The following NSRP1 variants were observed in gnomAD, a reference collection of about 807,000 sequenced individuals.
The protein encoded by NSRP1 is coiled-coil domain containing 55.
NSRP1 carries 24 observed loss-of-function variants against 54.7 expected under a neutral mutation model. The observed-to-expected ratio is 0.44, with a 90% confidence interval of 0.32 to 0.62. The LOEUF is 0.62. NSRP1 is among the 20% of genes least tolerant of loss of function. The probability of loss-of-function intolerance (pLI) is 0.06; values close to 1 mark genes in which losing one functional copy is unlikely to be tolerated. For synonymous variants in NSRP1, 210 were observed against 213.8 expected, an observed-to-expected ratio of 0.98 and a Z score of 0.15; for missense variants, 596 against 651.2, an observed-to-expected ratio of 0.92 and a Z score of 0.92.
intron 2 of NSRP1, among the ~76,000 whole-genome samples, chr17:30,121,070 A>G (rs1190353834): frequency 6.6e-6 from 1 of 152,212 alleles, no homozygotes; most frequent in Non-Finnish European, 1.5e-5. Flanking sequence ...TTTTTGTGGA[A>G]TAATGTGGCT....
chr17:30,132,423 G>A (rs1247969786), intron 2 of NSRP1, among the ~76,000 whole-genome samples: 5 of 151,908 alleles, frequency 3.3e-5, no homozygotes, highest in African/African-American at 9.7e-5. Context: ...TTGTGGTGGC[G>A]TGCGCCTGTA....
In NSRP1 at chr17:30,144,817, A is replaced by G. The variant is rs557728255; in HGVS notation, c.114+26644A>G. 3 of 152,166 alleles carry G rather than the reference A, an allele frequency of 2.0e-5. No individual in the cohort carries two copies. In the South Asian group the frequency reaches 6.2e-4, roughly 32 times the overall value. 9.4% of individuals were successfully genotyped at this position (152,166 alleles called of 1,614,324 possible). On this transcript the variant is annotated intron_variant, in intron 2 of 6. Coordinates refer to ENST00000247026, the MANE Select transcript of NSRP1 (RefSeq NM_032141.4). ...AGGCGCACACTCCTATCATCAGCCT[A>G]GCCTGCACAAAGCTCTTTTCTTCTT...
chr17:30,182,325 G>A (rs770208520), intron 6 of NSRP1, among the ~76,000 whole-genome samples: 5 of 152,078 alleles, frequency 3.3e-5, no homozygotes, highest in Admixed American at 6.6e-5. Flanking sequence ...CACTAGTCAC[G>A]TGTAGCTACT....
chr17:30,153,303 GT>G (rs1006389178), intron 2 of NSRP1, among the ~76,000 whole-genome samples: 7 of 152,136 alleles, frequency 4.6e-5, no homozygotes, highest in Admixed American at 3.9e-4. Context: ...CAATCCCAGA[GT>G]TTGTTGTCTT....
At chr17:30,118,862 C>A (rs2071570581) in intron 2 of NSRP1, among the ~76,000 whole-genome samples, 1 of 151,624 alleles carries the variant, frequency 6.6e-6, no homozygotes. Context: ...GATTCTCTTG[C>A]CTAATCTTCC....
chr17:30,185,633 C>G lies in NSRP1; in HGVS notation c.1636C>G (p.Arg546Gly). 6.2e-7 allele frequency: 1 copy of G among 1,609,540 alleles called. No homozygotes were observed. Among genetic ancestry groups the G allele is most frequent in the Non-Finnish European group, 8.5e-7 (1 of 1,178,724 alleles). The change falls in exon 7 of 7, where the codon CGG becomes GGG. Residue 546 changes from arginine to glycine, a missense_variant. Physicochemically the swap from Arg to Gly is moderately radical, Grantham distance 125. Coordinates refer to ENST00000247026, the MANE Select transcript of NSRP1 (RefSeq NM_032141.4). ...CAGGTACTTGGCCAGGCAGATGGCG[C>G]GGGTTAATGCAAAGACCTATATTGA... Reference protein sequence around the residue: ...RDRYLARQMARVNAKTYIEKE... With the variant: ...RDRYLARQMAGVNAKTYIEKE...
intron 2 of NSRP1, among the ~76,000 whole-genome samples, chr17:30,161,172 A>G (rs1351734649): frequency 6.6e-6 from 1 of 152,210 alleles, no homozygotes; most frequent in Non-Finnish European, 1.5e-5. Flanking sequence ...GGCTATTACA[A>G]CTAAACTGGC....
intron 6 of NSRP1, among the ~76,000 whole-genome samples, chr17:30,184,092 C>T (rs1466620275): frequency 6.6e-6 from 1 of 152,092 alleles, no homozygotes; most frequent in Non-Finnish European, 1.5e-5. Flanking sequence ...ATCCCAACTA[C>T]TCGGGAAGCT....
At chr17:30,123,350 T>A (rs2071621312) in intron 2 of NSRP1, among the ~76,000 whole-genome samples, 1 of 151,996 alleles carries the variant, frequency 6.6e-6, no homozygotes, top group Non-Finnish European at 1.5e-5. Flanking sequence ...ACTCCTGACC[T>A]TGTGATCTGC....
Position 30,118,080 on chromosome 17 carries a change from GTATGGGCT to G in NSRP1, c.25_32del (p.Gly9PhefsTer21). 2 of 1,612,416 alleles carry G rather than the reference GTATGGGCT, an allele frequency of 1.2e-6. No homozygotes were observed. Among genetic ancestry groups the G allele is most frequent in the Non-Finnish European group, 1.7e-6 (2 of 1,178,710 alleles). The stretch of plus-strand genomic sequence containing the variant: ...TCTATTTCAAAAAAAATATATGCAG[GTATGGGCT>G]TATTTTGCCAAAGAAAACACAGCAG... On this transcript the variant is annotated frameshift_variant and splice_region_variant, in exon 2 of 7. Transcript: ENST00000247026. LOFTEE classifies it high-confidence loss of function.
At chr17:30,117,083 A>C (rs2071541351) in intron 1 of NSRP1, 1 of 769,890 alleles carries the variant, frequency 1.3e-6, no homozygotes, top group African/African-American at 1.7e-5. Flanking sequence ...GAGGAAATAA[A>C]GGAAGTTAGG....
At chr17:30,181,104 A>G in intron 6 of NSRP1, 88 bp downstream of exon 6, 1 of 830,248 alleles carries the variant, frequency 1.2e-6, no homozygotes. Context: ...GAAAGATGGA[A>G]GATTACAACA....
At chr17:30,150,697 T>G (rs1057069349) in intron 2 of NSRP1, 12 of 138,172 alleles carry the variant, frequency 8.7e-5, no homozygotes, top group Admixed American at 2.2e-4. Context: ...TTTTTTTTTT[T>G]TTTTTTTTTT....
rs548313393 is a variant in NSRP1, at chr17:30,152,047, C to T, written c.115-20495C>T. Among the ~76,000 whole-genome samples the T allele has an allele frequency of 3.9e-5, 6 of 152,068 alleles. No individual in the cohort carries two copies. The South Asian group carries it at 1.0e-3, about 26-fold the overall frequency. ...GTCTCCCAAATGGTGGGATTACAGG[C>T]GTGAGCCACCACACCTGGTGTGTTT... On this transcript the variant is annotated intron_variant, in intron 2 of 6. Transcript: ENST00000247026.
chr17:30,158,944 GGCTCTTT>G (rs1161086551), intron 2 of NSRP1, among the ~76,000 whole-genome samples: 1 of 152,054 alleles, frequency 6.6e-6, no homozygotes, highest in Non-Finnish European at 1.5e-5. Flanking sequence ...TGGTTATTCA[GGCTCTTT>G]GTAGTTTCAT....
At chr17:30,156,196 T>G (rs2071960238) in intron 2 of NSRP1, among the ~76,000 whole-genome samples, 1 of 82,474 alleles carries the variant, frequency 1.2e-5, no homozygotes, top group South Asian at 4.1e-4. Context: ...TTCAAATAGT[T>G]TCTGTTGACC....
At chr17:30,155,999 C>A (rs1011444885) in intron 2 of NSRP1, among the ~76,000 whole-genome samples, 1 of 151,714 alleles carries the variant, frequency 6.6e-6, no homozygotes, top group African/African-American at 2.4e-5. Flanking sequence ...ACCACCAAAC[C>A]CGGCTAATTT....
In NSRP1 at chr17:30,125,153, C is replaced by G. The variant is rs567029091; in HGVS notation, c.114+6980C>G. On this transcript the variant is annotated intron_variant, in intron 2 of 6. Coordinates refer to ENST00000247026, the MANE Select transcript of NSRP1 (RefSeq NM_032141.4). ...AGAGGTTGAGTGAGCTGATATCAAG[C>G]CACTGCACTCCAGCCTGGGTGACAG... is the stretch of plus-strand genomic sequence containing the variant. 4.6e-5 allele frequency among the ~76,000 whole-genome samples: 7 copies of G among 152,102 alleles called. No homozygotes were observed. In the East Asian group the frequency reaches 9.7e-4, roughly 21 times the overall value.
intron 2 of NSRP1, among the ~76,000 whole-genome samples, chr17:30,163,423 T>C (rs1904607736): frequency 6.6e-6 from 1 of 152,080 alleles, no homozygotes; most frequent in Non-Finnish European, 1.5e-5. Flanking sequence ...CGATTTAAGC[T>C]TGTATAGTGA....
Sources: allele counts gnomAD v4.1 joint callset (sites outside exome capture counted in the v4.1 genomes callset), GRCh38; gene constraint gnomAD v4.1.1; transcripts MANE v1.5; gene names NCBI Gene and HGNC (gene_info 2026-07-23, HGNC 2026-07-21).